The following EXT1 variants were observed in gnomAD, a reference collection of about 807,000 sequenced individuals.
The protein encoded by EXT1 is exostosin glycosyltransferase 1, also known as exostosin-1.
EXT1 carries 20 observed loss-of-function variants against 82.5 expected under a neutral mutation model. The observed-to-expected ratio is 0.24, with a 90% CI of 0.17 to 0.35. EXT1 has a LOEUF of 0.35. Ranked by LOEUF, EXT1 falls within the 10% of genes least tolerant of loss-of-function variation. The pLI is 1.00. For synonymous variants in EXT1, 348 were observed against 350.8 expected (o/e 0.99, Z 0.09); for missense variants, 757 against 936.5 (o/e 0.81, Z 2.50).
At position 118,072,216 on chromosome 8, in the gene EXT1, C is replaced by T. The variant is rs113757007; in HGVS notation, c.962+37869G>A. 3.7e-4 allele frequency among the ~76,000 whole-genome samples: 56 copies of T among 152,286 alleles called. 1 individual carries two copies. The highest frequency in any genetic ancestry group is 2.3e-3 in the South Asian group (11 of 4,822). On this transcript the variant is annotated intron_variant, in intron 1 of 10. Transcript: ENST00000378204. ...CCTGTAAAGCTCTTAGACCAGTTCCCTGACCTACAGTAGATACTTAGAAAA... is the reference window on the plus strand; with the variant it reads ...CCTGTAAAGCTCTTAGACCAGTTCCTTGACCTACAGTAGATACTTAGAAAA...
In EXT1 at chr8:118,110,451, G is replaced by C. The variant is rs746766470; in HGVS notation, c.596C>G (p.Thr199Ser). 2.5e-6 allele frequency: 4 copies of C among 1,614,066 alleles called. No individual in the cohort carries two copies. Among genetic ancestry groups the C allele is most frequent in the African/African-American group, 1.3e-5 (1 of 74,928 alleles). ...CACGTCCTCGGTGTAGTCAGGCCAA[G>C]TGCCGGAATATAAATTAAAAATTAA... ...NHLIFNLYSG[T>S]WPDYTEDVGF... is the part of the protein sequence containing the mutation. The change falls in exon 1 of 11, where the codon ACT becomes AGT. Residue 199 changes from threonine (T) to serine (S), a missense_variant. Physicochemically the swap from Thr to Ser is moderately conservative, Grantham distance 58 (BLOSUM62 1). This residue lies in a region of EXT1 where 247 missense variants were observed against 330.1 expected (regional missense o/e 0.75). Transcript: ENST00000378204.
chr8:118,073,655 AAGAGAAGAG>A (rs1386719378), intron 1 of EXT1, among the ~76,000 whole-genome samples: 1 of 141,310 alleles, frequency 7.1e-6, no homozygotes, highest in African/African-American at 2.7e-5. Context: ...AAGAGAAGAG[AAGAGAAGAG>A]AAGAGAAGAG....
At chr8:117,864,959 T>TA (rs201292379) in intron 1 of EXT1, among the ~76,000 whole-genome samples, 73 of 151,678 alleles carry the variant, frequency 4.8e-4, no homozygotes, top group Non-Finnish European at 6.6e-4. Flanking sequence ...TGTTTTTTTT[T>TA]AAAAAAATAG....
chr8:118,038,258 C>T (rs1247407964), intron 1 of EXT1, among the ~76,000 whole-genome samples: 1 of 152,134 alleles, frequency 6.6e-6, no homozygotes, highest in East Asian at 1.9e-4. Context: ...TATGAAAAGG[C>T]AAAAACGTTG....
intron 1 of EXT1, among the ~76,000 whole-genome samples, chr8:117,864,788 A>G (rs1358434040): frequency 2.6e-5 from 4 of 151,184 alleles, no homozygotes; most frequent in Non-Finnish European, 5.9e-5. Flanking sequence ...AAAAAATCTC[A>G]TAATGCTTCA....
chr8:117,873,735 C>T (rs760937556), intron 1 of EXT1, among the ~76,000 whole-genome samples: 26 of 152,058 alleles, frequency 1.7e-4, no homozygotes, highest in Non-Finnish European at 3.5e-4. Context: ...GGATTACAGG[C>T]ATGAGCCACC....
chr8:117,982,566 C>A (rs1337024645), intron 1 of EXT1, among the ~76,000 whole-genome samples: 1 of 152,170 alleles, frequency 6.6e-6, no homozygotes, highest in African/African-American at 2.4e-5. Context: ...TCTCGGCTCA[C>A]TGCAGCCCCT....
intron 1 of EXT1, among the ~76,000 whole-genome samples, chr8:117,868,198 T>C (rs1355163510): frequency 6.6e-6 from 1 of 152,246 alleles, no homozygotes; most frequent in East Asian, 1.9e-4. Context: ...CAACCCTCTG[T>C]ATGTGGCATC....
In EXT1 at chr8:118,070,292, T is replaced by C. The variant is rs185486406; in HGVS notation, c.962+39793A>G. On this transcript the variant is annotated intron_variant, in intron 1 of 10. Transcript: ENST00000378204. Reference sequence around the variant, plus strand: ...TGTGTGTGTGCATATCATAAGTGAATGCATGCATACACATATCTACTTAGA... The same window carrying C: ...TGTGTGTGTGCATATCATAAGTGAACGCATGCATACACATATCTACTTAGA... 7.7e-3 allele frequency among the ~76,000 whole-genome samples: 1,143 copies of C among 148,062 alleles called. 16 individuals are homozygous for C. Among genetic ancestry groups the C allele is most frequent in the Admixed American group, 0.042 (626 of 14,782 alleles).
intron 1 of EXT1, among the ~76,000 whole-genome samples, chr8:118,039,118 A>G (rs7357586): frequency 0.39 from 59,243 of 152,146 alleles, 12,051 homozygotes; most frequent in Middle Eastern, 0.52. Flanking sequence ...CATAATAAAC[A>G]TTTGTAAGGA....
Position 117,952,969 on chromosome 8 carries a change from A to C in EXT1, c.963-115768T>G, listed in dbSNP as rs1185688292. On this transcript the variant is annotated intron_variant, in intron 1 of 10. Transcript: ENST00000378204. Reference sequence around the variant, plus strand: ...TATTTTGTAAATGACTGAATAGTAGAGTTAGAAAGCCAAATATTAAATAGC... The same window carrying C: ...TATTTTGTAAATGACTGAATAGTAGCGTTAGAAAGCCAAATATTAAATAGC... Among the ~76,000 whole-genome samples, 3 of 152,236 alleles carry C rather than the reference A, an allele frequency of 2.0e-5. No individual in the cohort carries two copies. In the East Asian group the frequency reaches 5.8e-4, roughly 29 times the overall value.
chr8:117,802,519 A>G (rs1486197423), intron 10 of EXT1, among the ~76,000 whole-genome samples: 1 of 152,218 alleles, frequency 6.6e-6, no homozygotes, highest in Non-Finnish European at 1.5e-5. Context: ...TACAGTATTC[A>G]GTACAGTGAC....
At chr8:118,066,446 G>A (rs778367664) in intron 1 of EXT1, among the ~76,000 whole-genome samples, 4 of 151,236 alleles carry the variant, frequency 2.6e-5, no homozygotes, top group African/African-American at 4.9e-5. Context: ...AGTAGCCTCC[G>A]CCTCCCGGTT....
At chr8:117,900,967 G>A (rs1813436741) in intron 1 of EXT1, among the ~76,000 whole-genome samples, 1 of 152,164 alleles carries the variant, frequency 6.6e-6, no homozygotes, top group South Asian at 2.1e-4. Flanking sequence ...CAGATACTTG[G>A]GTAAACCCTG....
chr8:117,961,398 TA>T (rs1459514541), intron 1 of EXT1, among the ~76,000 whole-genome samples: 3 of 151,932 alleles, frequency 2.0e-5, no homozygotes, highest in African/African-American at 7.3e-5. Context: ...GGCCTTAGGA[TA>T]AAAAAAATAG....
At chr8:117,958,054 G>A (rs1342327461) in intron 1 of EXT1, among the ~76,000 whole-genome samples, 2 of 151,986 alleles carry the variant, frequency 1.3e-5, no homozygotes, top group Non-Finnish European at 2.9e-5. Context: ...GGAGGGAAGA[G>A]AACAGTATTT....
At chr8:117,829,569 C>CTTTTTTTTTTTT (rs35823668) in intron 4 of EXT1, among the ~76,000 whole-genome samples, 9 of 96,868 alleles carry the variant, frequency 9.3e-5, no homozygotes, top group East Asian at 2.7e-4. Flanking sequence ...ATATATTTTT[C>CTTTTTTTTTTTT]TTTTTTTTTT....
intron 8 of EXT1, among the ~76,000 whole-genome samples, chr8:117,808,071 C>T (rs1296602745): frequency 2.0e-5 from 3 of 152,266 alleles, no homozygotes; most frequent in South Asian, 2.1e-4. Context: ...AATGTCTCTC[C>T]GGTGCTTATA....
chr8:117,946,352 G>GT (rs1209448501), intron 1 of EXT1, among the ~76,000 whole-genome samples: 25 of 145,042 alleles, frequency 1.7e-4, no homozygotes, highest in Non-Finnish European at 3.4e-4. Flanking sequence ...TTGAGTAATG[G>GT]TTTTTTGTTT....
Sources: allele counts gnomAD v4.1 joint callset (sites outside exome capture counted in the v4.1 genomes callset), GRCh38; gene constraint gnomAD v4.1.1; regional missense constraint gnomAD v4.1.1; transcripts MANE v1.5; gene names NCBI Gene and HGNC (gene_info 2026-07-23, HGNC 2026-07-21).